ATP5MC2: variants seen among roughly 807,000 people sequenced by gnomAD.
The protein encoded by ATP5MC2 is ATP synthase membrane subunit c locus 2.
In ATP5MC2, 11 loss-of-function variants were observed where a neutral mutation model predicts 13.5. That is an observed-to-expected ratio of 0.81 (90% CI 0.51 to 1.35). The LOEUF is 1.35. ATP5MC2 is among the 40% of genes most tolerant of loss of function. ATP5MC2 has a pLI of 0.00. For missense variants in ATP5MC2, 132 were observed against 175.0 expected (o/e 0.75, Z 1.39); for synonymous variants, 64 against 69.7 (o/e 0.92, Z 0.41).
rs1944885427 is a variant in ATP5MC2, at chr12:53,665,380, A to G, written c.360T>C (p.Phe120=). 6.2e-7 allele frequency: 1 copy of G among 1,614,050 alleles called. No homozygotes were observed. The highest frequency in any genetic ancestry group is 1.3e-5 in the African/African-American group (1 of 74,928). The part of the protein sequence containing the change: ...QQLFSYAILG[F]ALSEAMGLFC... The stretch of plus-strand genomic sequence containing the variant: ...AGAGCCCCATGGCCTCCGAGAGGGC[A>G]AAGCCCAGAATGGCGTAGGAGAAGA... Residue 120 remains phenylalanine (F), a synonymous_variant, in exon 5 of 5, where the codon TTT becomes TTC. Transcript: ENST00000394349.
At chr12:53,668,776 A>G (rs1945007644) in intron 4 of ATP5MC2, among the ~76,000 whole-genome samples, 1 of 151,888 alleles carries the variant, frequency 6.6e-6, no homozygotes, top group Non-Finnish European at 1.5e-5. Context: ...CCTGGCAGTT[A>G]GGGAGGCCGA....
chr12:53,679,983 T>C (rs950497099), upstream of ATP5MC2, among the ~76,000 whole-genome samples: 22 of 152,192 alleles, frequency 1.4e-4, no homozygotes, highest in African/African-American at 5.3e-4. Flanking sequence ...TTGTTTATTT[T>C]TTAATTTATT....
chr12:53,679,181 A>G (rs1248681832), upstream of ATP5MC2, among the ~76,000 whole-genome samples: 1 of 151,144 alleles, frequency 6.6e-6, no homozygotes, highest in Non-Finnish European at 1.5e-5. Flanking sequence ...CAAGATACTC[A>G]TGCAGGCATG....
intron 4 of ATP5MC2, among the ~76,000 whole-genome samples, chr12:53,666,577 C>CA (rs1337687568): frequency 0.061 from 7,385 of 120,552 alleles, 613 homozygotes; most frequent in African/African-American, 0.2. Flanking sequence ...GACTCTGTCT[C>CA]AAAAAAAAAA....
upstream of ATP5MC2, chr12:53,676,207 C>T (rs1945269424): frequency 6.2e-7 from 1 of 1,609,784 alleles, no homozygotes; most frequent in Non-Finnish European, 8.5e-7. Flanking sequence ...GCGCCGCCTG[C>T]CAGGGCTGTG....
intron 2 of ATP5MC2, among the ~76,000 whole-genome samples, chr12:53,671,229 T>G (rs1226190484): frequency 6.6e-6 from 1 of 152,248 alleles, no homozygotes; most frequent in African/African-American, 2.4e-5. Context: ...AATTCTATTA[T>G]CAGCAGTGTA....
At position 53,669,263 on chromosome 12, in the gene ATP5MC2, T is replaced by C. The variant is rs1945021726; in HGVS notation, c.196A>G (p.Arg66Gly). The part of the protein sequence containing the change: ...SRSFQTSAIS[R>G]DIDTAAKFIG... ...AACTTGGCTGCTGTGTCGATGTCCC[T>C]TGAAATGGCGCTGGTTTGGAAGCTG... is the stretch of plus-strand genomic sequence containing the variant. The change falls in exon 4 of 5, where the codon AGG becomes GGG. Residue 66 changes from arginine to glycine, a missense_variant. By Grantham distance (125) the Arg-to-Gly change is moderately radical (BLOSUM62 -2). Coordinates refer to ENST00000394349, the MANE Select transcript of ATP5MC2 (RefSeq NM_005176.7). 1 of 1,614,120 alleles carries C rather than the reference T, an allele frequency of 6.2e-7. No individual in the cohort carries two copies. Among genetic ancestry groups the C allele is most frequent in the Non-Finnish European group, 8.5e-7 (1 of 1,180,010 alleles).
intron 4 of ATP5MC2, among the ~76,000 whole-genome samples, chr12:53,666,762 AAAAAT>A (rs141833154): frequency 6.8e-6 from 1 of 147,420 alleles, no homozygotes; most frequent in Admixed American, 7.0e-5. Flanking sequence ...TCTGTCTCAA[AAAAAT>A]AAAATAAAAT....
intron 2 of ATP5MC2, among the ~76,000 whole-genome samples, chr12:53,672,202 G>A (rs1945119815): frequency 6.6e-6 from 1 of 151,172 alleles, no homozygotes. Flanking sequence ...CCCTCCCCAA[G>A]AATCTTTCTT....
At chr12:53,666,279 A>G (rs938551775) in intron 4 of ATP5MC2, among the ~76,000 whole-genome samples, 1 of 150,936 alleles carries the variant, frequency 6.6e-6, no homozygotes, top group Non-Finnish European at 1.5e-5. Flanking sequence ...CCCTGTCTCT[A>G]CCAAAAATAC....
chr12:53,672,273 G>A (rs956249674), intron 2 of ATP5MC2, among the ~76,000 whole-genome samples: 2 of 151,978 alleles, frequency 1.3e-5, no homozygotes, highest in Admixed American at 1.3e-4. Flanking sequence ...CCAGGCTGGA[G>A]TGCAGTGGTG....
intron 4 of ATP5MC2, among the ~76,000 whole-genome samples, chr12:53,667,089 G>A (rs890511754): frequency 6.6e-6 from 1 of 152,164 alleles, no homozygotes; most frequent in African/African-American, 2.4e-5. Flanking sequence ...GATGGGTAAG[G>A]TAAATCGACA....
At chr12:53,669,825 C>T in intron 3 of ATP5MC2, 46 bp downstream of exon 3, 1 of 1,596,486 alleles carries the variant, frequency 6.3e-7, no homozygotes, top group Non-Finnish European at 8.6e-7. Flanking sequence ...TAACCCTCCC[C>T]ACCCATCACC....
At chr12:53,680,817 G>A (rs886572837), upstream of ATP5MC2, among the ~76,000 whole-genome samples, 4 of 152,120 alleles carry the variant, frequency 2.6e-5, no homozygotes, top group African/African-American at 9.7e-5. Flanking sequence ...GGACACAGGC[G>A]TGAACAAAGC....
chr12:53,668,316 C>T lies in ATP5MC2; in HGVS notation c.311+832G>A, dbSNP rs201563271. On this transcript the variant is annotated intron_variant, in intron 4 of 4. Coordinates refer to ENST00000394349, the MANE Select transcript of ATP5MC2 (RefSeq NM_005176.7). The stretch of plus-strand genomic sequence containing the variant: ...ATTTGTTTTTTTCTTTTTTTTTTTT[C>T]CCCAAAGTCTCACTCTGTCACCTAG... Among the ~76,000 whole-genome samples the T allele has an allele frequency of 9.5e-3, 1,392 of 146,862 alleles. 21 individuals carry two copies. Among genetic ancestry groups the T allele is most frequent in the African/African-American group, 0.029 (1,159 of 39,918 alleles).
chr12:53,672,377 A>G (rs1164721882), intron 2 of ATP5MC2, among the ~76,000 whole-genome samples, 199 bp downstream of exon 2: 1 of 152,020 alleles, frequency 6.6e-6, no homozygotes, highest in East Asian at 1.9e-4. Flanking sequence ...GCCCGCCACC[A>G]TGCCCAACTG....
In ATP5MC2 at chr12:53,669,131, G is replaced by A. The variant is rs367728561; in HGVS notation, c.311+17C>T. 1 of 1,595,446 alleles carries A rather than the reference G, an allele frequency of 6.3e-7. No homozygotes were observed. Among genetic ancestry groups the A allele is most frequent in the Non-Finnish European group, 8.5e-7 (1 of 1,169,948 alleles). On this transcript the variant is annotated intron_variant, in intron 4 of 4. Coordinates refer to ENST00000394349, the MANE Select transcript of ATP5MC2 (RefSeq NM_005176.7). ...AAAGCATATCAGATAACCAGTGGAG[G>A]GTCCAACTTATCTTACCTGGCATAA...
chr12:53,674,814 T>C (rs1404839352), intron 1 of ATP5MC2, among the ~76,000 whole-genome samples: 3 of 152,204 alleles, frequency 2.0e-5, no homozygotes, highest in Non-Finnish European at 4.4e-5. Flanking sequence ...TTTTTGCCTA[T>C]ATGTAACTCT....
intron 2 of ATP5MC2, 74 bp from the exon 3 acceptor site, chr12:53,670,022 T>C (rs1385381057): frequency 1.7e-5 from 23 of 1,372,322 alleles, no homozygotes; most frequent in Non-Finnish European, 2.4e-5. Context: ...TGCCACGTTG[T>C]TACATCATCA....
Sources: gnomAD v4.1 joint callset for allele counts (sites outside exome capture counted in the v4.1 genomes callset) on GRCh38, gnomAD v4.1.1 for gene constraint, MANE v1.5 for transcripts, NCBI Gene and HGNC (gene_info 2026-07-23, HGNC 2026-07-21) for gene names.